Variants in SUPT20H observed in about 807,000 individuals in gnomAD.
SUPT20H encodes transcription factor SPT20 homolog.
A neutral mutation model predicts 122.8 loss-of-function variants in SUPT20H; 82 were observed. The ratio of observed to expected loss-of-function variants is 0.67; its 90% CI spans 0.56 to 0.80. The LOEUF is 0.80. Ranked by LOEUF, SUPT20H falls within the 30% of genes least tolerant of loss-of-function variation. The pLI is 0.00. For synonymous variants in SUPT20H, 291 were observed against 313.0 expected, an observed-to-expected ratio of 0.93 and a Z score of 0.74; for missense variants, 831 against 921.6, an observed-to-expected ratio of 0.90 and a Z score of 1.27.
chr13:37,050,236 C>T (rs1206652280), intron 2 of SUPT20H, among the ~76,000 whole-genome samples: 1 of 148,922 alleles, frequency 6.7e-6, no homozygotes, highest in South Asian at 2.2e-4. Context: ...GTTAAAAAAT[C>T]TTGGCCAGGC....
chr13:37,024,537 A>C (rs1185566435), intron 17 of SUPT20H, 95 bp from the exon 18 acceptor site: 1 of 837,130 alleles, frequency 1.2e-6, no homozygotes, highest in African/African-American at 1.8e-5. Context: ...TATTAAATAA[A>C]ATTAATACTG....
rs534007609 is a variant in SUPT20H, at chr13:37,030,938, T to G, written c.921+629A>C. ...AGTAAGAATAATGCATGTGCTAGCATGGAAAGGGTGCAACAGAAGAACAAA... is the reference window on the plus strand; with the variant it reads ...AGTAAGAATAATGCATGTGCTAGCAGGGAAAGGGTGCAACAGAAGAACAAA... On this transcript the variant is annotated intron_variant, in intron 12 of 25. Coordinates refer to ENST00000350612, the MANE Select transcript of SUPT20H (RefSeq NM_001014286.3). Among the ~76,000 whole-genome samples the G allele has an allele frequency of 2.6e-5, 4 of 152,154 alleles. No individual in the cohort carries two copies. In the East Asian group the frequency reaches 7.7e-4, roughly 29 times the overall value.
In SUPT20H at chr13:37,029,538, TAAAATA is replaced by T. The variant is rs963652827; in HGVS notation, c.993+221_993+226del. 3.6e-4 allele frequency among the ~76,000 whole-genome samples: 54 copies of T among 151,292 alleles called. 2 individuals carry two copies. The highest frequency in any genetic ancestry group is 1.3e-3 in the African/African-American group (54 of 41,196). Reference sequence around the variant, plus strand: ...CAAACTCCATCTCAAAAAATTAAAATAAAATAAAAATAAAAAATAAAAATAAAAAAT... The same window carrying T: ...CAAACTCCATCTCAAAAAATTAAAATAAAATAAAAAATAAAAATAAAAAAT... On this transcript the variant is annotated intron_variant, in intron 13 of 25. Transcript: ENST00000350612.
At chr13:37,051,181 T>G (rs566401394) in intron 2 of SUPT20H, among the ~76,000 whole-genome samples, 1 of 152,182 alleles carries the variant, frequency 6.6e-6, no homozygotes, top group Non-Finnish European at 1.5e-5. Context: ...CCAAAACTAT[T>G]TGTATTTATA....
At chr13:37,010,179 T>C (rs1425398518) in intron 25 of SUPT20H, among the ~76,000 whole-genome samples, 1 of 152,202 alleles carries the variant, frequency 6.6e-6, no homozygotes, top group East Asian at 1.9e-4. Context: ...CCTAAAATTA[T>C]GGTATAACAT....
At chr13:37,017,649 AT>A (rs149138254) in intron 22 of SUPT20H, among the ~76,000 whole-genome samples, 3,615 of 152,260 alleles carry the variant, frequency 0.024, 104 homozygotes, top group African/African-American at 0.071. Context: ...GCTATTTTTC[AT>A]TTCACTCTTT....
intron 5 of SUPT20H, 52 bp downstream of exon 5, chr13:37,047,483 T>C (rs2066704480): frequency 1.5e-6 from 2 of 1,378,556 alleles, no homozygotes; most frequent in Non-Finnish European, 1.9e-6. Context: ...CTCCTCCAAA[T>C]TCCTCTCTTC....
intron 6 of SUPT20H, 57 bp from the exon 7 acceptor site, chr13:37,044,238 T>C: frequency 3.7e-6 from 5 of 1,361,770 alleles, no homozygotes; most frequent in South Asian, 2.7e-5. Flanking sequence ...CTTAGCTGTA[T>C]AATTCAAATG....
chr13:37,030,806 A>T (rs1692332526), intron 12 of SUPT20H, among the ~76,000 whole-genome samples: 1 of 152,234 alleles, frequency 6.6e-6, no homozygotes, highest in South Asian at 2.1e-4. Context: ...AGAACTGCAC[A>T]TAAGCTACCA....
At chr13:37,057,392 G>A (rs949482615) in intron 1 of SUPT20H, among the ~76,000 whole-genome samples, 6 of 152,204 alleles carry the variant, frequency 3.9e-5, no homozygotes, top group Admixed American at 3.9e-4. Flanking sequence ...CTAACTTCAT[G>A]TAACCACTAC....
intron 10 of SUPT20H, 143 bp from the exon 11 acceptor site, chr13:37,032,038 G>C: frequency 3.3e-6 from 2 of 601,308 alleles, no homozygotes; most frequent in Non-Finnish European, 5.2e-6. Flanking sequence ...TAGGAACTAG[G>C]ACTAGGTGAA....
intron 6 of SUPT20H, among the ~76,000 whole-genome samples, chr13:37,045,021 C>CTAGAA (rs139942396): frequency 1.2e-3 from 178 of 151,950 alleles, no homozygotes; most frequent in African/African-American, 4.0e-3. Flanking sequence ...AATTAGAATA[C>CTAGAA]TTCTAAAATG....
rs1334916280 is a variant in SUPT20H at position 37,051,496 on chromosome 13, C to T, written c.-6G>A. ...ACTGAGCTGAAGCTTACCATTATGG[C>T]ATAAAATAAGGGTCCAAAAGAAGAG... On this transcript the variant is annotated 5_prime_UTR_variant, in exon 2 of 26. The change abolishes an upstream ATG in the 5' untranslated region. Transcript: ENST00000350612. 5.0e-6 allele frequency: 8 copies of T among 1,611,196 alleles called. No homozygotes were observed. The highest frequency in any genetic ancestry group is 6.8e-6 in the Non-Finnish European group (8 of 1,178,130).
rs147458336 is a variant in SUPT20H at position 37,028,783 on chromosome 13, C to T, written c.994-478G>A. Among the ~76,000 whole-genome samples, 183 of 151,554 alleles carry T rather than the reference C, an allele frequency of 1.2e-3. 1 individual carries two copies. Among genetic ancestry groups the T allele is most frequent in the African/African-American group, 4.3e-3 (176 of 41,296 alleles). ...TCACACAGGGAGTTAGCAGTCTGTCCCTAAGCTTGCACCCCTGATCCTCAT... is the reference window on the plus strand; with the variant it reads ...TCACACAGGGAGTTAGCAGTCTGTCTCTAAGCTTGCACCCCTGATCCTCAT... On this transcript the variant is annotated intron_variant, in intron 13 of 25. Coordinates refer to ENST00000350612, the MANE Select transcript of SUPT20H (RefSeq NM_001014286.3).
chr13:37,051,198 C>A (rs1029461829), intron 2 of SUPT20H, among the ~76,000 whole-genome samples: 1 of 152,122 alleles, frequency 6.6e-6, no homozygotes, highest in African/African-American at 2.4e-5. Context: ...TATACCCATC[C>A]TCCTTGCCAA....
intron 1 of SUPT20H, among the ~76,000 whole-genome samples, chr13:37,055,580 C>G (rs911722049): frequency 1.3e-5 from 2 of 152,200 alleles, no homozygotes; most frequent in African/African-American, 2.4e-5. Flanking sequence ...AAAGCTGAAA[C>G]TGGATCCCTT....
At chr13:37,050,946 TAA>T (rs2067550388) in intron 2 of SUPT20H, among the ~76,000 whole-genome samples, 1 of 152,180 alleles carries the variant, frequency 6.6e-6, no homozygotes, top group Admixed American at 6.5e-5. Context: ...TTTAAAACAT[TAA>T]AAAGTGTTTT....
intron 24 of SUPT20H, chr13:37,010,867 A>G (rs1042871576): frequency 8.8e-6 from 4 of 456,532 alleles, no homozygotes; most frequent in African/African-American, 1.9e-5. Flanking sequence ...ACACAAAAAG[A>G]GAAGGGAGTG....
At chr13:37,054,629 A>G (rs2068527357) in intron 1 of SUPT20H, among the ~76,000 whole-genome samples, 1 of 152,172 alleles carries the variant, frequency 6.6e-6, no homozygotes, top group African/African-American at 2.4e-5. Context: ...AAATAATAAG[A>G]GCTATTTATG....
Sources: gnomAD v4.1 joint callset for allele counts (sites outside exome capture counted in the v4.1 genomes callset) on GRCh38, gnomAD v4.1.1 for gene constraint, MANE v1.5 for transcripts, NCBI Gene and HGNC (gene_info 2026-07-23, HGNC 2026-07-21) for gene names.